MLLT6: variants seen among roughly 807,000 people sequenced by gnomAD.
The protein encoded by MLLT6 is protein AF-17.
In MLLT6, 22 loss-of-function variants were observed where a neutral mutation model predicts 103.0. The observed-to-expected ratio is 0.21, with a 90% CI of 0.15 to 0.31. The LOEUF (loss-of-function observed/expected upper bound fraction) is 0.31, where lower values mean the gene tolerates loss of function less well. MLLT6 is among the 10% of genes least tolerant of loss of function. The pLI, the probability that MLLT6 is intolerant of heterozygous loss-of-function variation, is 1.00. For missense variants in MLLT6, 1,199 were observed against 1,441.7 expected, an observed-to-expected ratio of 0.83 and a Z score of 2.73; for synonymous variants, 606 against 623.5, an observed-to-expected ratio of 0.97 and a Z score of 0.42.
Position 38,722,716 on chromosome 17 carries a change from A to G in MLLT6, c.2831A>G (p.Glu944Gly). ...CAGAGACATCTCCTTCAGCAGCAAG[A>G]GCAGCAGCTCCAGCAACTCCAGCAG... ...EQQRHLLQQQ[E>G]QQLQQLQQLL... Residue 944 changes from glutamate (E) to glycine (G), a missense_variant, in exon 18 of 20, where the codon GAG becomes GGG. Glu to Gly is a moderately conservative substitution (Grantham distance 98, BLOSUM62 -2). This residue lies in a region of MLLT6 where 1,034 missense variants were observed against 1,091.5 expected (regional missense o/e 0.95). Transcript: ENST00000621332. 6.7e-7 allele frequency: 1 copy of G among 1,487,548 alleles called. No homozygotes were observed. The highest frequency in any genetic ancestry group is 9.1e-7 in the Non-Finnish European group (1 of 1,100,936). 92.1% of individuals were successfully genotyped at this position (1,487,548 alleles called of 1,614,324 possible). A position where few individuals can be genotyped will look rare whatever the true frequency, so the allele number is the denominator to read the frequency against.
intron 3 of MLLT6, 34 bp downstream of exon 3, chr17:38,707,574 C>T (rs758888427): frequency 1.6e-5 from 25 of 1,603,252 alleles, no homozygotes; most frequent in Non-Finnish European, 2.1e-5. Flanking sequence ...GTCAGCAGGG[C>T]CCCCTGAGCA....
chr17:38,722,661 C>A lies in MLLT6; in HGVS notation c.2793-17C>A. ...GTCTGTGTGTTGTCCCCCCCCCACC[C>A]CCCACCCCCACCTCAGCCTTACAGA... On this transcript the variant is annotated splice_polypyrimidine_tract_variant and intron_variant, in intron 17 of 19. Coordinates refer to ENST00000621332, the MANE Select transcript of MLLT6 (RefSeq NM_005937.4). 2.0e-6 allele frequency: 1 copy of A among 498,224 alleles called. No homozygotes were observed. The highest frequency in any genetic ancestry group is 1.8e-5 in the South Asian group (1 of 55,354). The allele number at this position is 498,224 out of a possible 1,614,324, so 30.9% of individuals were successfully genotyped here. A position where few individuals can be genotyped will look rare whatever the true frequency, so the allele number is the denominator to read the frequency against.
intron 14 of MLLT6, 167 bp from the exon 15 acceptor site, chr17:38,720,205 G>T: frequency 2.7e-6 from 2 of 736,080 alleles, no homozygotes; most frequent in Non-Finnish European, 2.2e-6. Flanking sequence ...CACACCTGTG[G>T]CTCCCCAAGT....
At position 38,716,830 on chromosome 17, in the gene MLLT6, T is replaced by G; in HGVS notation, c.1500T>G (p.Ser500Arg). Residue 500 changes from serine to arginine, a missense_variant, in exon 10 of 20, where the codon AGT becomes AGG. This residue lies in a region of MLLT6 where 1,034 missense variants were observed against 1,091.5 expected (regional missense o/e 0.95). Coordinates refer to ENST00000621332, the MANE Select transcript of MLLT6 (RefSeq NM_005937.4). The surrounding 1 kb of genome is among the most constrained non-coding windows in gnomAD (Gnocchi z 5.6). ...GCCCAGCTGCCCCATCCTTGCCCAG[T>G]GCCCAGCTGGCTGGCTTTACCGCCA... ...TGGPAAPSLP[S>R]AQLAGFTATA... 1 of 1,612,690 alleles carries G rather than the reference T, an allele frequency of 6.2e-7. No homozygotes were observed. The highest frequency in any genetic ancestry group is 8.5e-7 in the Non-Finnish European group (1 of 1,179,292).
At chr17:38,715,534 C>T in intron 8 of MLLT6, 78 bp from the exon 9 acceptor site, 1 of 1,495,962 alleles carries the variant, frequency 6.7e-7, no homozygotes, top group Non-Finnish European at 8.9e-7. Flanking sequence ...GTCCTGTGCC[C>T]TCCTGCTTCA....
At position 38,711,864 on chromosome 17, in the gene MLLT6, C is replaced by A; in HGVS notation, c.570C>A (p.Ser190Arg). 1 of 1,580,348 alleles carries A rather than the reference C, an allele frequency of 6.3e-7. No homozygotes were observed. Among genetic ancestry groups the A allele is most frequent in the South Asian group, 1.2e-5 (1 of 85,998 alleles). The change falls in exon 7 of 20, where the codon AGC becomes AGA. Residue 190 changes from serine (S) to arginine (R), a missense_variant. By Grantham distance (110) the Ser-to-Arg change is moderately radical. This residue lies in a region of MLLT6 where 1,034 missense variants were observed against 1,091.5 expected (regional missense o/e 0.95). Coordinates refer to ENST00000621332, the MANE Select transcript of MLLT6 (RefSeq NM_005937.4). ...HFSKMKTSRH[S>R]SGGGGGGAGG... ...TCCCGCAGAAGACATCCCGGCACAG[C>A]AGCGGGGGAGGCGGAGGAGGCGCTG...
At position 38,724,802 on chromosome 17, in the gene MLLT6, G is replaced by A; in HGVS notation, c.3066G>A (p.Leu1022=). The A allele has an allele frequency of 6.2e-7, 1 of 1,603,690 alleles. No individual in the cohort carries two copies. Among genetic ancestry groups the A allele is most frequent in the Non-Finnish European group, 8.5e-7 (1 of 1,175,504 alleles). ...CCACAGCGTCTGCTCCACCCCTGCT[G>A]CCCGCTGGAGCCCTAGTGGCTCCCT... is the stretch of plus-strand genomic sequence containing the variant. The part of the protein sequence containing the change: ...LLPTASAPPL[L]PAGALVAPSL... The change falls in exon 19 of 20, where the codon CTG becomes CTA. Residue 1022 remains leucine, a synonymous_variant. Transcript: ENST00000621332. This position sits in a 1 kb window ranked among gnomAD's most constrained non-coding sequence, Gnocchi z 5.4.
rs1260418410 is a variant in MLLT6, at chr17:38,726,381, G to C, written c.*783G>C. On this transcript the variant is annotated 3_prime_UTR_variant, in exon 20 of 20. Coordinates refer to ENST00000621332, the MANE Select transcript of MLLT6 (RefSeq NM_005937.4). ...TGTGTGTGTGCGTGCATGTGTGTGT[G>C]TGTGTGTGTGTGTGTGTGTGTCTGT... 1 of 234,284 alleles carries C rather than the reference G, an allele frequency of 4.3e-6. No individual in the cohort carries two copies. Among genetic ancestry groups the C allele is most frequent in the East Asian group, 6.0e-5 (1 of 16,614 alleles). 14.5% of individuals were successfully genotyped at this position (234,284 alleles called of 1,614,324 possible).
chr17:38,706,292 A>G (rs1348129362), intron 1 of MLLT6: 2 of 152,256 alleles, frequency 1.3e-5, no homozygotes, highest in Non-Finnish European at 2.9e-5. Context: ...TTCCCCCAGC[A>G]GCACATGGTT....
Position 38,705,350 on chromosome 17 carries a change from G to C in MLLT6, c.-283G>C, listed in dbSNP as rs1395966882. Among the ~76,000 whole-genome samples, 5 of 149,812 alleles carry C rather than the reference G, an allele frequency of 3.3e-5. No homozygotes were observed. Among genetic ancestry groups the C allele is most frequent in the Admixed American group, 3.3e-4 (5 of 15,122 alleles). ...CTAGGAGCCGGGCGAGCGGCGCGGA[G>C]GGGGCGAGCCCGGCGTGCGAGTCTC... On this transcript the variant is annotated 5_prime_UTR_variant, in exon 1 of 20. Transcript: ENST00000621332.
rs908069119 is a variant in MLLT6 at position 38,722,750 on chromosome 17, C to T, written c.2865C>T (p.Ala955=). 1 of 1,596,062 alleles carries T rather than the reference C, an allele frequency of 6.3e-7. No individual in the cohort carries two copies. The highest frequency in any genetic ancestry group is 8.6e-7 in the Non-Finnish European group (1 of 1,169,046). ...QQLQQLQQLL[A]SPQLTPEHQT... ...TCCAGCAACTCCAGCAGCTCCTGGC[C>T]TCCCCGCAGCTGACCCCGGTAATGC... Residue 955 remains alanine (A), a synonymous_variant, in exon 18 of 20, where the codon GCC becomes GCT. Transcript: ENST00000621332.
chr17:38,715,901 T>G, intron 9 of MLLT6, 73 bp downstream of exon 9: 1 of 1,319,544 alleles, frequency 7.6e-7, no homozygotes, highest in African/African-American at 1.5e-5. Flanking sequence ...GGCAAGGGAC[T>G]TTGCATATTG....
chr17:38,720,428 G>A lies in MLLT6; in HGVS notation c.2212G>A (p.Glu738Lys). 1.2e-6 allele frequency: 2 copies of A among 1,612,548 alleles called. No individual in the cohort carries two copies. The highest frequency in any genetic ancestry group is 1.7e-6 in the Non-Finnish European group (2 of 1,179,934). Reference protein sequence around the residue: ...ALQKENQRLQEQILSLTAKKE... With the variant: ...ALQKENQRLQKQILSLTAKKE... ...GCAGAAGGAGAACCAGCGGCTGCAA[G>A]AGCAGATCCTGAGCCTGACGGCCAA... The change falls in exon 15 of 20, where the codon GAG (glutamate) becomes AAG (lysine). Residue 738 changes from glutamate (E) to lysine (K), a missense_variant. Glu to Lys is a moderately conservative substitution (Grantham distance 56, BLOSUM62 1). Transcript: ENST00000621332.
chr17:38,726,151 C>A lies in MLLT6; in HGVS notation c.*553C>A. The stretch of plus-strand genomic sequence containing the variant: ...GGGGCACAAGCTGAGCTTGTAAAAG[C>A]CCACAGATGTTGGGGGCTGGAGAAG... On this transcript the variant is annotated 3_prime_UTR_variant, in exon 20 of 20. Transcript: ENST00000621332. 4.3e-6 allele frequency: 1 copy of A among 233,988 alleles called. No homozygotes were observed. The highest frequency in any genetic ancestry group is 8.5e-6 in the Non-Finnish European group (1 of 118,288). 14.5% of individuals were successfully genotyped at this position (233,988 alleles called of 1,614,324 possible).
At chr17:38,721,713 G>A (rs1252973354) in intron 16 of MLLT6, among the ~76,000 whole-genome samples, 165 bp from the exon 17 acceptor site, 6 of 152,252 alleles carry the variant, frequency 3.9e-5, no homozygotes, top group Non-Finnish European at 8.8e-5. Flanking sequence ...GATTCGTGAA[G>A]ACAATTTGGA....
At position 38,716,174 on chromosome 17, in the gene MLLT6, C is replaced by G. The variant is rs904316981; in HGVS notation, c.1037-193C>G. On this transcript the variant is annotated intron_variant, in intron 9 of 19. Coordinates refer to ENST00000621332, the MANE Select transcript of MLLT6 (RefSeq NM_005937.4). The surrounding 1 kb of genome is among the most constrained non-coding windows in gnomAD (Gnocchi z 5.6). The stretch of plus-strand genomic sequence containing the variant: ...CCAGTAGGGTGCGAGTTACTCTCCC[C>G]CATTTTATTACAGGTGGGAAAGCTG... 4.8e-6 allele frequency: 3 copies of G among 623,660 alleles called. No individual in the cohort carries two copies. Among genetic ancestry groups the G allele is most frequent in the East Asian group, 2.8e-5 (1 of 35,962 alleles). The allele number at this position is 623,660 out of a possible 1,614,324, so 38.6% of individuals were successfully genotyped here. A position where few individuals can be genotyped will look rare whatever the true frequency, so the allele number is the denominator to read the frequency against.
Position 38,722,028 on chromosome 17 carries a change from G to C in MLLT6, c.2593G>C (p.Gly865Arg). Reference protein sequence around the residue: ...PAPLPPQPQNGLGRAPGAAGL... With the variant: ...PAPLPPQPQNRLGRAPGAAGL... ...CCCACTCCCGCCCCAGCCGCAGAAC[G>C]GGTTGGGCCGGGCACCCGGGGCAGC... Residue 865 changes from glycine to arginine, a missense_variant, in exon 17 of 20, where the codon GGG becomes CGG. Gly to Arg is a moderately radical substitution (Grantham distance 125). Around this residue, in one of 7 missense-constraint regions of MLLT6, gnomAD observed 1,034 missense variants for 1,091.5 expected, o/e 0.95. Coordinates refer to ENST00000621332, the MANE Select transcript of MLLT6 (RefSeq NM_005937.4). The C allele has an allele frequency of 1.4e-6, 2 of 1,441,886 alleles. No individual in the cohort carries two copies. Among genetic ancestry groups the C allele is most frequent in the Non-Finnish European group, 1.8e-6 (2 of 1,099,638 alleles). The allele number at this position is 1,441,886 out of a possible 1,614,324, so 89.3% of individuals were successfully genotyped here.
In MLLT6 at chr17:38,721,871, T is replaced by C. The variant is rs930849503; in HGVS notation, c.2443-7T>C. 7.8e-6 allele frequency: 9 copies of C among 1,150,064 alleles called. No individual in the cohort carries two copies. Among genetic ancestry groups the C allele is most frequent in the East Asian group, 3.2e-5 (1 of 31,068 alleles). 71.2% of individuals were successfully genotyped at this position (1,150,064 alleles called of 1,614,324 possible). ...CTCTGACCCCTCCCTTCCCCCTCCC[T>C]CCCCAGGACCCACACTCAGGCTGCC... On this transcript the variant is annotated splice_polypyrimidine_tract_variant and splice_region_variant and intron_variant, in intron 16 of 19. Transcript: ENST00000621332.
At chr17:38,719,390 T>G in intron 12 of MLLT6, 127 bp from the exon 13 acceptor site, 6 of 858,674 alleles carry the variant, frequency 7.0e-6, no homozygotes, top group South Asian at 1.6e-5. Context: ...GAACTGCCAG[T>G]GTGGGGTTGG....
Sources: allele counts gnomAD v4.1 joint callset (sites outside exome capture counted in the v4.1 genomes callset), GRCh38; gene constraint gnomAD v4.1.1; regional missense constraint gnomAD v4.1.1; non-coding constraint Gnocchi (gnomAD v3.1); transcripts MANE v1.5; gene names NCBI Gene and HGNC (gene_info 2026-07-23, HGNC 2026-07-21).